The following WDR90 variants were observed in gnomAD, a reference collection of about 807,000 sequenced individuals.
WDR90 encodes WD repeat-containing protein 90.
WDR90 carries 238 observed loss-of-function variants against 195.2 expected under a neutral mutation model. That is an observed-to-expected ratio of 1.22 (90% CI 1.10 to 1.36). The LOEUF (loss-of-function observed/expected upper bound fraction) is 1.36. Among genes scored for constraint, WDR90 ranks in the 40% most tolerant of loss-of-function variants. The pLI is 0.00. For synonymous variants in WDR90, 1,265 were observed against 1,052.4 expected (o/e 1.20, Z -3.91); for missense variants, 2,734 against 2,439.5 (o/e 1.12, Z -2.54).
At chr16:661,007 CCCCCCCCCGG>C in intron 28 of WDR90, 34 bp from the exon 29 acceptor site, 4 of 137,752 alleles carry the variant, frequency 2.9e-5, no homozygotes, top group South Asian at 1.4e-4. Context: ...CCCGCCCCCC[CCCCCCCCCGG>C]CCCGGCCTCA....
At position 655,093 on chromosome 16, in the gene WDR90, C is replaced by T. The variant is rs530828665; in HGVS notation, c.1502C>T (p.Ala501Val). Residue 501 changes from alanine to valine, a missense_variant, in exon 14 of 41, where the codon GCG becomes GTG. Coordinates refer to ENST00000293879, the MANE Select transcript of WDR90 (RefSeq NM_145294.5). ...LGGEVVVLAKAHTDFDVQAFR... is the reference protein window; with the variant it reads ...LGGEVVVLAKVHTDFDVQAFR... ...GGCGAGGTGGTCGTTCTGGCAAAGG[C>T]GCACACTGACTTTGACGTCCAGGCC... is the stretch of plus-strand genomic sequence containing the variant. 93 of 1,612,692 alleles carry T rather than the reference C, an allele frequency of 5.8e-5. 2 individuals carry two copies. The South Asian group carries it at 7.5e-4, about 13-fold the overall frequency.
Position 657,763 on chromosome 16 carries a change from G to A in WDR90, c.2475G>A (p.Ala825=), listed in dbSNP as rs1000643825. 44 of 1,546,870 alleles carry A rather than the reference G, an allele frequency of 2.8e-5. No individual in the cohort carries two copies. Among genetic ancestry groups the A allele is most frequent in the African/African-American group, 1.9e-4 (14 of 72,862 alleles). Residue 825 remains alanine, a splice_region_variant and synonymous_variant, in exon 21 of 41, where the codon GCG becomes GCA. Transcript: ENST00000293879. Reference sequence around the variant, plus strand: ...GACCCCTGCCCCGTGTGGCCACAGCGGACATGGTATGCCCGGATGCCCCCG... The same window carrying A: ...GACCCCTGCCCCGTGTGGCCACAGCAGACATGGTATGCCCGGATGCCCCCG... ...DPQWHVLRVA[A]DMVCPDAPAS...
chr16:657,991 G>C (rs1304383199), intron 21 of WDR90, 99 bp downstream of exon 21: 19 of 1,459,038 alleles, frequency 1.3e-5, no homozygotes, highest in Non-Finnish European at 1.6e-5. Context: ...CAGGACCCAG[G>C]CCCTGTCCCG....
intron 25 of WDR90, 35 bp from the exon 26 acceptor site, chr16:659,209 TC>T: frequency 6.2e-7 from 1 of 1,610,630 alleles, no homozygotes; most frequent in Non-Finnish European, 8.5e-7. Flanking sequence ...CCCTTCCTCT[TC>T]CTTCCCAAAC....
chr16:656,276 G>A (rs1218007902), intron 17 of WDR90, 26 bp from the exon 18 acceptor site: 2 of 1,586,124 alleles, frequency 1.3e-6, no homozygotes, highest in Non-Finnish European at 8.6e-7. Flanking sequence ...TGGCCCTGGA[G>A]GCCCCTGACC....
At chr16:656,702 C>T in intron 18 of WDR90, 30 bp from the exon 19 acceptor site, 3 of 1,597,952 alleles carry the variant, frequency 1.9e-6, no homozygotes, top group Non-Finnish European at 2.6e-6. Flanking sequence ...AGATCCCTGC[C>T]CTCCCCTCAG....
Position 661,937 on chromosome 16 carries a change from C to T in WDR90, c.3911C>T (p.Thr1304Ile). The change falls in exon 32 of 41, where the codon ACC becomes ATC. Residue 1304 changes from threonine to isoleucine, a missense_variant. Thr to Ile is a moderately conservative substitution (Grantham distance 89). Coordinates refer to ENST00000293879, the MANE Select transcript of WDR90 (RefSeq NM_145294.5). ...GAGGCAGTGGGGGCTGGAGAGCTGA[C>T]CTCGCTCTGCTACGGGGCACCTCCC... ...VPEAVGAGELTSLCYGAPPLL... is the reference protein window; with the variant it reads ...VPEAVGAGELISLCYGAPPLL... 4 of 1,609,048 alleles carry T rather than the reference C, an allele frequency of 2.5e-6. No homozygotes were observed. The highest frequency in any genetic ancestry group is 3.4e-6 in the Non-Finnish European group (4 of 1,179,888).
At chr16:661,314 C>A in intron 29 of WDR90, 28 bp from the exon 30 acceptor site, 3 of 1,567,474 alleles carry the variant, frequency 1.9e-6, no homozygotes, top group African/African-American at 1.3e-5. Context: ...ACGGCCTCCC[C>A]ACTCACGCCT....
At chr16:660,755 G>C (rs1232541813) in intron 28 of WDR90, 41 bp downstream of exon 28, 60 of 1,522,504 alleles carry the variant, frequency 3.9e-5, no homozygotes, top group Non-Finnish European at 4.9e-5. Context: ...GCCAAGATGC[G>C]GCCGCGCGTG....
chr16:650,480 T>C, intron 4 of WDR90, 59 bp from the exon 5 acceptor site: 1 of 1,588,110 alleles, frequency 6.3e-7, no homozygotes, highest in East Asian at 2.3e-5. Context: ...AAGCTCACAG[T>C]TCTGGGAGTC....
At chr16:658,031 G>T in intron 21 of WDR90, 139 bp downstream of exon 21, 1 of 1,453,912 alleles carries the variant, frequency 6.9e-7, no homozygotes, top group Non-Finnish European at 9.1e-7. Flanking sequence ...CATCAGCCAT[G>T]TGGGGCCCAC....
rs1175596884 is a variant in WDR90, at chr16:649,821, C to T, written c.69C>T (p.Arg23=). The T allele has an allele frequency of 5.1e-6, 8 of 1,582,762 alleles. No homozygotes were observed. In the South Asian group the frequency reaches 5.7e-5, roughly 11 times the overall value. ...FRHFRVDEWK[R]SAKQGDVAVV... ...ACTTCCGGGTGGACGAGTGGAAGCG[C>T]TCCGCCAAGCAGGGGGACGTGGCCG... is the stretch of plus-strand genomic sequence containing the variant. Residue 23 remains arginine (R), a synonymous_variant, in exon 2 of 41, where the codon CGC becomes CGT. Transcript: ENST00000293879.
chr16:665,348 A>G (rs148116613), intron 34 of WDR90: 56 of 530,986 alleles, frequency 1.1e-4, no homozygotes, highest in African/African-American at 1.0e-3. Context: ...ACGCACGGCC[A>G]CACTCCTGTC....
rs555588557 is a variant in WDR90, at chr16:661,419, C to T, written c.3591C>T (p.Leu1197=). The change falls in exon 30 of 41, where the codon CTC becomes CTT. Residue 1197 remains leucine (L), a synonymous_variant. Transcript: ENST00000293879. The part of the protein sequence containing the change: ...QIRVWDVSGG[L]CQHLIFPHST... Reference sequence around the variant, plus strand: ...GCGTCTGGGACGTGTCTGGCGGCCTCTGCCAGCATCTCATTTTCCCCCATA... The same window carrying T: ...GCGTCTGGGACGTGTCTGGCGGCCTTTGCCAGCATCTCATTTTCCCCCATA... 6.2e-7 allele frequency: 1 copy of T among 1,612,432 alleles called. No homozygotes were observed. Among genetic ancestry groups the T allele is most frequent in the African/African-American group, 1.3e-5 (1 of 75,020 alleles).
chr16:667,640 C>G lies in WDR90; in HGVS notation c.*51C>G. 2 of 1,597,480 alleles carry G rather than the reference C, an allele frequency of 1.3e-6. No individual in the cohort carries two copies. Among genetic ancestry groups the G allele is most frequent in the Non-Finnish European group, 1.7e-6 (2 of 1,178,602 alleles). On this transcript the variant is annotated 3_prime_UTR_variant, in exon 41 of 41. Transcript: ENST00000293879. ...GCATCACGCCTGGTCATGCCAGGCA[C>G]CTGGACACAGGCTTGGCAGAGGCGC...
chr16:653,858 G>C, intron 13 of WDR90, 55 bp downstream of exon 13: 1 of 1,598,532 alleles, frequency 6.3e-7, no homozygotes, highest in Non-Finnish European at 8.5e-7. Flanking sequence ...CACGCAGACA[G>C]CTGGAAGGGT....
intron 13 of WDR90, chr16:654,426 G>A (rs1275590501): frequency 6.6e-6 from 1 of 151,086 alleles, no homozygotes; most frequent in African/African-American, 2.5e-5. Flanking sequence ...TGTCGCCCAG[G>A]ATGGAGTGCA....
In WDR90 at chr16:658,934, C is replaced by T; in HGVS notation, c.2934C>T (p.Ala978=). 1.9e-6 allele frequency: 3 copies of T among 1,612,774 alleles called. No homozygotes were observed. Among genetic ancestry groups the T allele is most frequent in the Non-Finnish European group, 2.5e-6 (3 of 1,179,984 alleles). Residue 978 remains alanine (A), a synonymous_variant, in exon 24 of 41, where the codon GCC becomes GCT. Transcript: ENST00000293879. ...ACTCGGAACCCGTGCAGGCTGTGGC[C>T]TTCTCTCCTGACCAGCAGCAGGTCC... The part of the protein sequence containing the change: ...IGHSEPVQAV[A]FSPDQQQVLS...
chr16:658,778 G>A, intron 23 of WDR90, 118 bp from the exon 24 acceptor site: 1 of 1,554,528 alleles, frequency 6.4e-7, no homozygotes, highest in South Asian at 1.2e-5. Flanking sequence ...GACCCCCCAA[G>A]GATCCTCTGT....
Sources: allele counts gnomAD v4.1 joint callset, GRCh38; gene constraint gnomAD v4.1.1; transcripts MANE v1.5; gene names NCBI Gene and HGNC (gene_info 2026-07-23, HGNC 2026-07-21).